Variants in AFF3 observed in about 807,000 individuals in gnomAD.
The protein encoded by AFF3 is ALF transcription elongation factor 3.
AFF3 carries 32 observed loss-of-function variants against 129.7 expected under a neutral mutation model. The observed-to-expected ratio is 0.25, with a 90% CI of 0.19 to 0.33. AFF3 has a LOEUF of 0.33. Among genes scored for constraint, AFF3 ranks in the 10% least tolerant of loss-of-function variants. AFF3 has a pLI of 1.00. For synonymous variants in AFF3, 644 were observed against 635.4 expected (o/e 1.01, Z -0.20); for missense variants, 1,373 against 1,592.0 (o/e 0.86, Z 2.34).
At chr2:99,825,722 C>A (rs1171953637) in intron 8 of AFF3, among the ~76,000 whole-genome samples, 1 of 152,178 alleles carries the variant, frequency 6.6e-6, no homozygotes, top group Non-Finnish European at 1.5e-5. Flanking sequence ...GTGGCAGACA[C>A]AAAAAGTCTG....
intron 11 of AFF3, among the ~76,000 whole-genome samples, chr2:99,709,242 G>A (rs1391411869): frequency 6.6e-6 from 1 of 152,196 alleles, no homozygotes; most frequent in Non-Finnish European, 1.5e-5. Context: ...TATGAGTTCA[G>A]GAGTCAAACT....
rs545508717 is a variant in AFF3 at position 99,935,116 on chromosome 2, C to T, written c.873+71516G>A. Among the ~76,000 whole-genome samples the T allele has an allele frequency of 5.3e-5, 8 of 152,320 alleles. No individual in the cohort carries two copies. In the South Asian group the frequency reaches 1.2e-3, roughly 24 times the overall value. ...GAACATGGGAGGTCATCTAATGTTT[C>T]GCATTAGCACAGGGATGGCAAATGT... On this transcript the variant is annotated intron_variant, in intron 7 of 24. Coordinates refer to ENST00000672756, the MANE Select transcript of AFF3 (RefSeq NM_001386135.1).
chr2:100,072,258 G>A (rs574486510), intron 4 of AFF3, among the ~76,000 whole-genome samples: 2 of 152,154 alleles, frequency 1.3e-5, no homozygotes, highest in Non-Finnish European at 2.9e-5. Flanking sequence ...ATTCTCATAG[G>A]AGAGTAAACC....
At chr2:100,038,804 ACCT>A (rs1305085238) in intron 4 of AFF3, among the ~76,000 whole-genome samples, 1 of 150,892 alleles carries the variant, frequency 6.6e-6, no homozygotes, top group Non-Finnish European at 1.5e-5. Flanking sequence ...GCTCACTGCA[ACCT>A]CCGCCACCGG....
chr2:99,633,243 C>T lies in AFF3; in HGVS notation c.1184+16383G>A, dbSNP rs181057519. ...GGTACATCAGGCACCGTACACGTGC[C>T]GAGATTTGACAGGCACAAGCTGGGG... On this transcript the variant is annotated intron_variant, in intron 13 of 24. Transcript: ENST00000672756. Among the ~76,000 whole-genome samples, 344 of 151,936 alleles carry T rather than the reference C, an allele frequency of 2.3e-3. 6 individuals carry two copies. Among genetic ancestry groups the T allele is most frequent in the East Asian group, 1.9e-3 (10 of 5,160 alleles).
intron 10 of AFF3, among the ~76,000 whole-genome samples, chr2:99,739,834 T>C (rs765542246): frequency 6.6e-6 from 1 of 152,108 alleles, no homozygotes; most frequent in Non-Finnish European, 1.5e-5. Context: ...TATTATACTT[T>C]AAGTTTTAGG....
intron 13 of AFF3, among the ~76,000 whole-genome samples, chr2:99,638,320 A>G (rs1683856417): frequency 6.6e-6 from 1 of 152,104 alleles, no homozygotes; most frequent in Non-Finnish European, 1.5e-5. Context: ...TCGACCTCCC[A>G]AAGTGCTGGG....
intron 11 of AFF3, among the ~76,000 whole-genome samples, chr2:99,681,535 T>C (rs1674523431): frequency 1.3e-5 from 2 of 152,186 alleles, no homozygotes. Flanking sequence ...TATTCAGAGA[T>C]GGGGCCTTTG....
chr2:99,724,426 C>T (rs1679189481), intron 11 of AFF3, among the ~76,000 whole-genome samples: 1 of 151,888 alleles, frequency 6.6e-6, no homozygotes, highest in Admixed American at 6.6e-5. Context: ...GCGCATGCCA[C>T]CACACTCAGC....
chr2:100,138,763 G>A (rs1160449554), intron 1 of AFF3, among the ~76,000 whole-genome samples: 1 of 151,832 alleles, frequency 6.6e-6, no homozygotes, highest in African/African-American at 2.4e-5. Context: ...TGGCCAATAT[G>A]GTGAAACCCC....
chr2:100,104,463 G>C lies in AFF3; in HGVS notation c.-9C>G, dbSNP rs1449718416. The C allele has an allele frequency of 2.3e-6, 3 of 1,311,472 alleles. No individual in the cohort carries two copies. Among genetic ancestry groups the C allele is most frequent in the Non-Finnish European group, 3.0e-6 (3 of 1,006,148 alleles). 81.2% of individuals were successfully genotyped at this position (1,311,472 alleles called of 1,614,324 possible). ...AAGTCGAAGCTGTCCATGGTGGGAGGTGTCAGCGTCGCCGCCGCCGCTACC... is the reference window on the plus strand; with the variant it reads ...AAGTCGAAGCTGTCCATGGTGGGAGCTGTCAGCGTCGCCGCCGCCGCTACC... On this transcript the variant is annotated 5_prime_UTR_variant, in exon 4 of 25. Coordinates refer to ENST00000672756, the MANE Select transcript of AFF3 (RefSeq NM_001386135.1).
chr2:99,977,400 T>G (rs1678999199), intron 7 of AFF3, among the ~76,000 whole-genome samples: 1 of 152,210 alleles, frequency 6.6e-6, no homozygotes, highest in Non-Finnish European at 1.5e-5. Flanking sequence ...AGAACTCTGC[T>G]CCCTCACTGT....
intron 11 of AFF3, among the ~76,000 whole-genome samples, chr2:99,706,100 G>T (rs943670444): frequency 1.1e-4 from 16 of 152,210 alleles, no homozygotes; most frequent in Admixed American, 9.2e-4. Context: ...GATTTAGAGG[G>T]TTAAACCAGG....
At chr2:99,955,271 C>T (rs2104242113) in intron 7 of AFF3, among the ~76,000 whole-genome samples, 1 of 152,218 alleles carries the variant, frequency 6.6e-6, no homozygotes. Flanking sequence ...GCACAGCACT[C>T]CTATTAAAAG....
chr2:99,699,851 G>C (rs1575733367), intron 11 of AFF3, among the ~76,000 whole-genome samples: 1 of 152,208 alleles, frequency 6.6e-6, no homozygotes, highest in South Asian at 2.1e-4. Flanking sequence ...ACTGCTGAAA[G>C]GGAATCGAGG....
At chr2:99,896,776 C>A (rs1027729765) in intron 7 of AFF3, among the ~76,000 whole-genome samples, 1 of 151,692 alleles carries the variant, frequency 6.6e-6, no homozygotes, top group African/African-American at 2.4e-5. Context: ...GCTGGGACTA[C>A]AGGCACGCAC....
chr2:99,735,971 T>C (rs760600365), intron 10 of AFF3, among the ~76,000 whole-genome samples: 57 of 152,360 alleles, frequency 3.7e-4, no homozygotes, highest in Admixed American at 5.9e-4. Flanking sequence ...ATTATCAATT[T>C]CTAATTTAAT....
chr2:99,909,976 T>C (rs34885384), intron 7 of AFF3, among the ~76,000 whole-genome samples: 21,405 of 152,116 alleles, frequency 0.14, 1,929 homozygotes, highest in East Asian at 0.32. Flanking sequence ...TGTGACATTA[T>C]TTGGAGATAG....
intron 4 of AFF3, among the ~76,000 whole-genome samples, chr2:100,032,090 A>G (rs975239560): frequency 2.0e-5 from 3 of 152,204 alleles, no homozygotes; most frequent in African/African-American, 7.2e-5. Flanking sequence ...AATTCAGCAT[A>G]TAGTTACCTC....
Sources: allele counts gnomAD v4.1 joint callset (sites outside exome capture counted in the v4.1 genomes callset), GRCh38; gene constraint gnomAD v4.1.1; transcripts MANE v1.5; gene names NCBI Gene and HGNC (gene_info 2026-07-23, HGNC 2026-07-21).